Variants in CSMD2 observed in about 807,000 individuals in gnomAD.
The protein encoded by CSMD2 is CUB and Sushi multiple domains 2.
CSMD2 carries 130 observed loss-of-function variants against 398.5 expected under a neutral mutation model. The observed-to-expected ratio is 0.33, with a 90% CI of 0.28 to 0.38. CSMD2 has a LOEUF of 0.38. CSMD2 is among the 10% of genes least tolerant of loss of function. The pLI is 1.00. For synonymous variants in CSMD2, 1,828 were observed against 1,908.5 expected, an observed-to-expected ratio of 0.96 and a Z score of 1.10; for missense variants, 3,829 against 4,764.9, an observed-to-expected ratio of 0.80 and a Z score of 5.78.
intron 4 of CSMD2, among the ~76,000 whole-genome samples, chr1:33,933,153 G>A (rs185312150): frequency 6.6e-6 from 1 of 152,326 alleles, no homozygotes; most frequent in African/African-American, 2.4e-5. Context: ...AGACGCCTTC[G>A]TTGATGTTTT....
chr1:33,641,348 C>T (rs984387374), intron 29 of CSMD2, among the ~76,000 whole-genome samples: 3 of 152,176 alleles, frequency 2.0e-5, no homozygotes, highest in South Asian at 2.1e-4. Context: ...CTTGCATGTG[C>T]GTGGATGTTT....
chr1:33,797,647 C>A (rs1452593435), intron 10 of CSMD2, among the ~76,000 whole-genome samples: 1 of 152,182 alleles, frequency 6.6e-6, no homozygotes, highest in Admixed American at 6.5e-5. Context: ...TTCTCTCACA[C>A]TTTCCTTGAG....
chr1:33,616,761 C>T, intron 39 of CSMD2, 145 bp downstream of exon 39: 1 of 598,572 alleles, frequency 1.7e-6, no homozygotes, highest in Non-Finnish European at 3.0e-6. Flanking sequence ...ATTATAAAAA[C>T]ATCAGTTTAA....
At chr1:33,798,168 A>T (rs1655172774) in intron 10 of CSMD2, among the ~76,000 whole-genome samples, 1 of 152,208 alleles carries the variant, frequency 6.6e-6, no homozygotes, top group South Asian at 2.1e-4. Flanking sequence ...CATGCAGATC[A>T]ATCAAGCTCA....
At chr1:33,645,721 C>T (rs190655122) in intron 29 of CSMD2, among the ~76,000 whole-genome samples, 13 of 152,312 alleles carry the variant, frequency 8.5e-5, no homozygotes, top group Admixed American at 3.9e-4. Flanking sequence ...ACTCACTGAT[C>T]TTTACATTTC....
At chr1:33,812,278 CAG>C (rs1656953228) in intron 9 of CSMD2, among the ~76,000 whole-genome samples, 1 of 152,168 alleles carries the variant, frequency 6.6e-6, no homozygotes, top group South Asian at 2.1e-4. Flanking sequence ...CAGGTGTTGT[CAG>C]AGGGTTATTT....
chr1:33,748,882 T>G (rs1435027827), intron 13 of CSMD2, among the ~76,000 whole-genome samples: 1 of 152,144 alleles, frequency 6.6e-6, no homozygotes, highest in East Asian at 1.9e-4. Flanking sequence ...TATTACAAAA[T>G]TGACCTTACA....
At chr1:33,741,880 A>C (rs1647080033) in intron 14 of CSMD2, among the ~76,000 whole-genome samples, 1 of 152,196 alleles carries the variant, frequency 6.6e-6, no homozygotes. Flanking sequence ...TGTGCTCCCC[A>C]GGATACCTTT....
At position 33,691,383 on chromosome 1, in the gene CSMD2, T is replaced by C. The variant is rs545007281; in HGVS notation, c.4052+1547A>G. Among the ~76,000 whole-genome samples, 215 of 152,292 alleles carry C rather than the reference T, an allele frequency of 1.4e-3. 1 individual carries two copies. The highest frequency in any genetic ancestry group is 5.0e-3 in the African/African-American group (209 of 41,550). On this transcript the variant is annotated intron_variant, in intron 25 of 70. Transcript: ENST00000373381. ...GGATGAATGTGCATATTTAACTTGT[T>C]CCCTAACAATGCAAAGTCCCTATGT...
At chr1:34,069,957 A>G (rs1655533853) in intron 2 of CSMD2, among the ~76,000 whole-genome samples, 1 of 152,240 alleles carries the variant, frequency 6.6e-6, no homozygotes, top group South Asian at 2.1e-4. Context: ...TCTTATCACC[A>G]TCAGACTTTG....
At chr1:34,103,761 A>AACACAC (rs145354161) in intron 1 of CSMD2, among the ~76,000 whole-genome samples, 59,950 of 151,530 alleles carry the variant, frequency 0.4, 12,631 homozygotes, top group East Asian at 0.66. Flanking sequence ...AATGATGGCA[A>AACACAC]ACACACACAC....
At chr1:33,888,853 C>T (rs969575931) in intron 5 of CSMD2, among the ~76,000 whole-genome samples, 1 of 151,986 alleles carries the variant, frequency 6.6e-6, no homozygotes, top group African/African-American at 2.4e-5. Context: ...CTGCAAGCTC[C>T]GCCTCCCAGG....
At chr1:33,902,074 A>T (rs1362139999) in intron 5 of CSMD2, among the ~76,000 whole-genome samples, 1 of 152,206 alleles carries the variant, frequency 6.6e-6, no homozygotes, top group Non-Finnish European at 1.5e-5. Flanking sequence ...ATGATTTTAC[A>T]GAGGTGGGGC....
chr1:33,670,598 G>A (rs1042277034), intron 25 of CSMD2, among the ~76,000 whole-genome samples: 2 of 152,170 alleles, frequency 1.3e-5, no homozygotes, highest in African/African-American at 4.8e-5. Flanking sequence ...TAGCCACACA[G>A]AACCTGGGCC....
At chr1:33,722,705 T>C (rs1646397931) in intron 19 of CSMD2, among the ~76,000 whole-genome samples, 1 of 152,104 alleles carries the variant, frequency 6.6e-6, no homozygotes, top group South Asian at 2.1e-4. Flanking sequence ...CTATTTAGTA[T>C]TTGACTTTAA....
intron 1 of CSMD2, among the ~76,000 whole-genome samples, chr1:34,127,153 C>A (rs1234572474): frequency 6.6e-6 from 1 of 152,116 alleles, no homozygotes; most frequent in Non-Finnish European, 1.5e-5. Context: ...AGAAGCCACG[C>A]ACAGCTTCAC....
intron 43 of CSMD2, 123 bp from the exon 44 acceptor site, chr1:33,601,133 A>G (rs1185241859): frequency 8.0e-7 from 1 of 1,245,240 alleles, no homozygotes; most frequent in Non-Finnish European, 1.1e-6. Context: ...TTGTACCAAC[A>G]CTTCCCCACA....
rs747536716 is a variant in CSMD2 at position 33,658,985 on chromosome 1, G to A, written c.4256-848C>T. ...AGGTTACCGGGAGTTACTGAAGTTA[G>A]GTCAAGATCATGCTCTCTCTTGCAA... On this transcript the variant is annotated intron_variant, in intron 26 of 70. Transcript: ENST00000373381. Among the ~76,000 whole-genome samples the A allele has an allele frequency of 5.9e-5, 9 of 152,218 alleles. No homozygotes were observed. In the South Asian group the frequency reaches 6.2e-4, roughly 11 times the overall value.
At chr1:33,690,695 C>T (rs374375195) in intron 25 of CSMD2, among the ~76,000 whole-genome samples, 5 of 152,168 alleles carry the variant, frequency 3.3e-5, no homozygotes, top group Non-Finnish European at 5.9e-5. Context: ...CACTAGTCAC[C>T]GAGGAACTAT....
Sources: gnomAD v4.1 joint callset for allele counts (sites outside exome capture counted in the v4.1 genomes callset) on GRCh38, gnomAD v4.1.1 for gene constraint, MANE v1.5 for transcripts, NCBI Gene and HGNC (gene_info 2026-07-23, HGNC 2026-07-21) for gene names.